The following RFX3 variants were observed in gnomAD, a reference collection of about 807,000 sequenced individuals.
RFX3 encodes transcription factor RFX3.
A neutral mutation model predicts 98.6 loss-of-function variants in RFX3; 14 were observed. The observed-to-expected ratio is 0.14, with a 90% CI of 0.09 to 0.22. The LOEUF (loss-of-function observed/expected upper bound fraction) is 0.22. RFX3 is among the 10% of genes least tolerant of loss of function. RFX3 has a pLI of 1.00. For missense variants in RFX3, 639 were observed against 926.9 expected, an observed-to-expected ratio of 0.69 and a Z score of 4.03; for synonymous variants, 383 against 328.4, an observed-to-expected ratio of 1.17 and a Z score of -1.80.
At chr9:3,305,985 G>T (rs1055100455) in intron 4 of RFX3, among the ~76,000 whole-genome samples, 4 of 151,964 alleles carry the variant, frequency 2.6e-5, no homozygotes, top group African/African-American at 9.7e-5. Flanking sequence ...AGTTTATTGT[G>T]GATCACTTAA....
chr9:3,476,639 C>G (rs1359139739), intron 1 of RFX3, among the ~76,000 whole-genome samples: 7 of 152,126 alleles, frequency 4.6e-5, no homozygotes. Context: ...ATCTGTAAAA[C>G]TATGAAGGAA....
intron 4 of RFX3, among the ~76,000 whole-genome samples, chr9:3,315,509 G>T (rs1196598880): frequency 3.3e-5 from 5 of 152,196 alleles, no homozygotes; most frequent in African/African-American, 1.2e-4. Flanking sequence ...CAGAAGGCAA[G>T]AAATAACTAA....
chr9:3,403,492 G>C (rs1280176749), intron 1 of RFX3, among the ~76,000 whole-genome samples: 1 of 152,098 alleles, frequency 6.6e-6, no homozygotes, highest in East Asian at 1.9e-4. Context: ...GATAACTGAT[G>C]ACAGTGATTA....
chr9:3,363,730 G>A (rs1836733686), intron 2 of RFX3, among the ~76,000 whole-genome samples: 1 of 152,134 alleles, frequency 6.6e-6, no homozygotes, highest in Non-Finnish European at 1.5e-5. Flanking sequence ...TCAAAGACAT[G>A]GTGTCAGCTG....
At chr9:3,284,188 A>G in intron 7 of RFX3, among the ~76,000 whole-genome samples, 1 of 151,796 alleles carries the variant, frequency 6.6e-6, no homozygotes, top group East Asian at 1.9e-4. Context: ...ATATTAACAA[A>G]AGCATTTGGC....
intron 7 of RFX3, among the ~76,000 whole-genome samples, chr9:3,278,761 C>T (rs1176241133): frequency 6.6e-6 from 1 of 151,748 alleles, no homozygotes; most frequent in Non-Finnish European, 1.5e-5. Flanking sequence ...CTCATAATGA[C>T]ATTTACATTT....
intron 1 of RFX3, among the ~76,000 whole-genome samples, chr9:3,483,330 G>A (rs1217869429): frequency 2.6e-5 from 4 of 152,138 alleles, no homozygotes; most frequent in Non-Finnish European, 5.9e-5. Context: ...ACCAAGATAT[G>A]TCCAATCTAT....
At chr9:3,388,534 C>T (rs75869866) in intron 2 of RFX3, among the ~76,000 whole-genome samples, 3,684 of 152,122 alleles carry the variant, frequency 0.024, 160 homozygotes, top group African/African-American at 0.085. Flanking sequence ...TATTCTATTC[C>T]TTTTAATGAC....
chr9:3,398,914 T>TAAAAAAAAAAAAAAAA (rs71324247), intron 1 of RFX3, among the ~76,000 whole-genome samples: 8 of 67,558 alleles, frequency 1.2e-4, no homozygotes, highest in African/African-American at 2.9e-4. Context: ...TAGAGTATAA[T>TAAAAAAAAAAAAAAAA]AAAAAAAAAA....
At chr9:3,374,628 T>C (rs1465444962) in intron 2 of RFX3, among the ~76,000 whole-genome samples, 1 of 152,132 alleles carries the variant, frequency 6.6e-6, no homozygotes, top group Non-Finnish European at 1.5e-5. Context: ...ACAAATACAG[T>C]ATGATTCTAC....
At position 3,397,755 on chromosome 9, in the gene RFX3, C is replaced by A. The variant is rs147135199; in HGVS notation, c.-8-2159G>T. Among the ~76,000 whole-genome samples, 791 of 152,262 alleles carry A rather than the reference C, an allele frequency of 5.2e-3. 10 individuals carry two copies. Among genetic ancestry groups the A allele is most frequent in the Admixed American group, 7.5e-3 (115 of 15,282 alleles). ...CTAAAGCAGCACAATAAACCTTGTA[C>A]ATGCAAAAGGTATAGCAGTAACAAC... On this transcript the variant is annotated intron_variant, in intron 1 of 16. Transcript: ENST00000617270.
At position 3,254,052 on chromosome 9, in the gene RFX3, G is replaced by A. The variant is rs571741267; in HGVS notation, c.1814+2939C>T. ...GTAGGCCTTCAAGTCTTTTTGAAAC[G>A]AAAATAATAACTATAATAGTATCTA... On this transcript the variant is annotated intron_variant, in intron 14 of 16. Coordinates refer to ENST00000617270, the MANE Select transcript of RFX3 (RefSeq NM_001282116.2). Among the ~76,000 whole-genome samples, 10 of 152,108 alleles carry A rather than the reference G, an allele frequency of 6.6e-5. No individual in the cohort carries two copies. In the South Asian group the frequency reaches 2.1e-3, roughly 32 times the overall value.
chr9:3,365,030 G>C lies in RFX3; in HGVS notation c.118-18266C>G, dbSNP rs138649167. 2.9e-3 allele frequency among the ~76,000 whole-genome samples: 446 copies of C among 152,184 alleles called. 3 individuals carry two copies. Among genetic ancestry groups the C allele is most frequent in the Non-Finnish European group, 4.5e-3 (303 of 67,996 alleles). ...GTAAAAAAAGTAACAGGCCGGGCGT[G>C]GTGGCTCACGCCTGTAATCCCAGCA... is the stretch of plus-strand genomic sequence containing the variant. On this transcript the variant is annotated intron_variant, in intron 2 of 16. Coordinates refer to ENST00000617270, the MANE Select transcript of RFX3 (RefSeq NM_001282116.2).
At chr9:3,329,035 G>C (rs1832267118) in intron 4 of RFX3, among the ~76,000 whole-genome samples, 1 of 152,072 alleles carries the variant, frequency 6.6e-6, no homozygotes, top group Admixed American at 6.6e-5. Flanking sequence ...AGAAGTTCAG[G>C]CTACAAAGTT....
chr9:3,314,313 A>G (rs951104361), intron 4 of RFX3, among the ~76,000 whole-genome samples: 7 of 152,200 alleles, frequency 4.6e-5, no homozygotes, highest in African/African-American at 1.7e-4. Flanking sequence ...ATTACAGACA[A>G]GCAAATGCTG....
chr9:3,418,167 GTTAC>G (rs1843135034), intron 1 of RFX3, among the ~76,000 whole-genome samples: 1 of 152,144 alleles, frequency 6.6e-6, no homozygotes, highest in African/African-American at 2.4e-5. Flanking sequence ...TATTGGGCAA[GTTAC>G]TTAAGTAGCA....
At chr9:3,483,326 A>G (rs781534193) in intron 1 of RFX3, among the ~76,000 whole-genome samples, 1 of 152,214 alleles carries the variant, frequency 6.6e-6, no homozygotes, top group African/African-American at 2.4e-5. Context: ...CCCCACCAAG[A>G]TATGTCCAAT....
chr9:3,306,209 A>G (rs758689834), intron 4 of RFX3, among the ~76,000 whole-genome samples: 6 of 152,146 alleles, frequency 3.9e-5, no homozygotes, highest in Non-Finnish European at 8.8e-5. Flanking sequence ...CTCATATATC[A>G]TCTGAGGAAA....
chr9:3,477,908 A>C (rs1258536440), intron 1 of RFX3, among the ~76,000 whole-genome samples: 1 of 152,044 alleles, frequency 6.6e-6, no homozygotes, highest in Non-Finnish European at 1.5e-5. Context: ...TTCATTTGCC[A>C]ATTTATATCT....
Sources: allele counts gnomAD v4.1 joint callset (sites outside exome capture counted in the v4.1 genomes callset), GRCh38; gene constraint gnomAD v4.1.1; transcripts MANE v1.5; gene names NCBI Gene and HGNC (gene_info 2026-07-23, HGNC 2026-07-21).